The following PHACTR1 variants were observed in gnomAD, a reference collection of about 807,000 sequenced individuals.
PHACTR1 encodes the protein phosphatase and actin regulator 1.
PHACTR1 carries 16 observed loss-of-function variants against 69.2 expected under a neutral mutation model. The observed-to-expected ratio is 0.23, with a 90% CI of 0.16 to 0.35. PHACTR1 has a LOEUF of 0.35. PHACTR1 is among the 10% of genes least tolerant of loss of function. The probability of loss-of-function intolerance (pLI) is 1.00; values close to 1 mark genes in which losing one functional copy is unlikely to be tolerated. For missense variants in PHACTR1, 510 were observed against 734.7 expected, an observed-to-expected ratio of 0.69 and a Z score of 3.54; for synonymous variants, 312 against 284.5, an observed-to-expected ratio of 1.10 and a Z score of -0.97.
intron 5 of PHACTR1, among the ~76,000 whole-genome samples, chr6:13,127,869 A>T (rs552055936): frequency 9.9e-5 from 15 of 152,236 alleles, no homozygotes; most frequent in Non-Finnish European, 1.9e-4. Context: ...GCAGCTATAA[A>T]GGACTGCCCA....
intron 5 of PHACTR1, among the ~76,000 whole-genome samples, chr6:13,105,551 A>G (rs1039907753): frequency 2.6e-5 from 4 of 152,256 alleles, no homozygotes; most frequent in African/African-American, 7.2e-5. Flanking sequence ...AGTTAGTGCA[A>G]ACCCCACAAG....
chr6:12,989,992 G>A (rs367917505), intron 4 of PHACTR1, among the ~76,000 whole-genome samples: 5 of 152,138 alleles, frequency 3.3e-5, no homozygotes, highest in South Asian at 2.1e-4. Context: ...GTAAGAGAGC[G>A]GGTCTCACTC....
intron 7 of PHACTR1, among the ~76,000 whole-genome samples, chr6:13,194,069 G>A (rs557203238): frequency 6.6e-6 from 1 of 152,260 alleles, no homozygotes; most frequent in South Asian, 2.1e-4. Flanking sequence ...ACAGGTGTTT[G>A]TTCCATGATT....
intron 4 of PHACTR1, among the ~76,000 whole-genome samples, chr6:12,871,608 A>G (rs1782034251): frequency 6.6e-6 from 1 of 152,050 alleles, no homozygotes; most frequent in South Asian, 2.1e-4. Context: ...GATAAGATTC[A>G]GGTTCAGTTC....
In PHACTR1 at chr6:13,143,008, G is replaced by A. The variant is rs559413648; in HGVS notation, c.416-17196G>A. 3.3e-5 allele frequency among the ~76,000 whole-genome samples: 5 copies of A among 152,258 alleles called. No homozygotes were observed. The East Asian group carries it at 9.6e-4, about 29-fold the overall frequency. Reference sequence around the variant, plus strand: ...AAACTGACTCTAGATAATATAAAAAGAGGAAAGTGCCCAGCACAGAAAGAC... The same window carrying A: ...AAACTGACTCTAGATAATATAAAAAAAGGAAAGTGCCCAGCACAGAAAGAC... On this transcript the variant is annotated intron_variant, in intron 5 of 14. Transcript: ENST00000332995.
intron 12 of PHACTR1, chr6:13,280,245 C>T (rs1584426859): frequency 6.6e-6 from 1 of 152,390 alleles, no homozygotes; most frequent in East Asian, 1.9e-4. Context: ...CAAATAATTG[C>T]CTCTCTGTTC....
intron 5 of PHACTR1, among the ~76,000 whole-genome samples, chr6:13,150,007 C>T (rs918923461): frequency 1.3e-5 from 2 of 152,094 alleles, no homozygotes; most frequent in Non-Finnish European, 2.9e-5. Flanking sequence ...ACTGACCTGC[C>T]TCTCTCTGCT....
At chr6:13,076,631 G>A (rs1169910783) in intron 5 of PHACTR1, among the ~76,000 whole-genome samples, 1 of 152,124 alleles carries the variant, frequency 6.6e-6, no homozygotes, top group Admixed American at 6.5e-5. Context: ...TCCTCTGAGA[G>A]ACTTGAGTGT....
At chr6:13,128,721 A>C (rs1819941421) in intron 5 of PHACTR1, among the ~76,000 whole-genome samples, 1 of 152,182 alleles carries the variant, frequency 6.6e-6, no homozygotes, top group Non-Finnish European at 1.5e-5. Flanking sequence ...AGTCTGGAAA[A>C]CTTATTTGAG....
chr6:13,056,550 G>A (rs1205036437), intron 5 of PHACTR1, among the ~76,000 whole-genome samples: 3 of 151,920 alleles, frequency 2.0e-5, no homozygotes, highest in Admixed American at 6.6e-5. Context: ...GTTGTTAAAG[G>A]AAAAGTTATT....
At chr6:12,726,369 C>T (rs1249429239) in intron 3 of PHACTR1, among the ~76,000 whole-genome samples, 1 of 152,304 alleles carries the variant, frequency 6.6e-6, no homozygotes, top group East Asian at 1.9e-4. Context: ...TTAAAAGCTG[C>T]TCTGAACATG....
At position 12,718,139 on chromosome 6, in the gene PHACTR1, G is replaced by A. The variant is rs751674268; in HGVS notation, c.-47+396G>A. Among the ~76,000 whole-genome samples, 10 of 152,264 alleles carry A rather than the reference G, an allele frequency of 6.6e-5. 1 individual carries two copies. In the South Asian group the frequency reaches 1.0e-3, roughly 16 times the overall value. ...CCCCTGCCAGGCACAGGCAGGTGAC[G>A]ATCCTCTAGCACTTTATAAAATGTG... On this transcript the variant is annotated intron_variant, in intron 2 of 14. Coordinates refer to ENST00000332995, the MANE Select transcript of PHACTR1 (RefSeq NM_030948.6).
At chr6:12,795,227 A>G (rs1035214792) in intron 4 of PHACTR1, among the ~76,000 whole-genome samples, 4 of 128,880 alleles carry the variant, frequency 3.1e-5, no homozygotes, top group African/African-American at 1.0e-4. Flanking sequence ...GAGAGAGAAG[A>G]GAGAAATTCT....
intron 4 of PHACTR1, among the ~76,000 whole-genome samples, chr6:12,829,479 G>A (rs555145422): frequency 6.6e-6 from 1 of 152,266 alleles, no homozygotes; most frequent in South Asian, 2.1e-4. Flanking sequence ...ATTTGAGTAG[G>A]TGAGTGATCT....
At chr6:13,282,147 TTG>T (rs1046638518) in intron 12 of PHACTR1, among the ~76,000 whole-genome samples, 1 of 152,208 alleles carries the variant, frequency 6.6e-6, no homozygotes, top group Non-Finnish European at 1.5e-5. Flanking sequence ...TTGGACTCCA[TTG>T]TGTTTGTTTT....
At chr6:13,281,964 A>G (rs1374378736) in intron 12 of PHACTR1, among the ~76,000 whole-genome samples, 1 of 152,242 alleles carries the variant, frequency 6.6e-6, no homozygotes, top group East Asian at 1.9e-4. Context: ...TTTGGCTGAG[A>G]GGGAGCTGTA....
At chr6:12,965,517 A>G (rs1001258956) in intron 4 of PHACTR1, among the ~76,000 whole-genome samples, 4 of 148,406 alleles carry the variant, frequency 2.7e-5, no homozygotes, top group Admixed American at 1.4e-4. Flanking sequence ...AATGGCCCCA[A>G]GCGTCATGCT....
chr6:12,774,962 C>T (rs1306649634), intron 4 of PHACTR1, among the ~76,000 whole-genome samples: 2 of 152,164 alleles, frequency 1.3e-5, no homozygotes, highest in African/African-American at 2.4e-5. Flanking sequence ...AACTGAGGGA[C>T]CAGAAACATT....
chr6:12,792,505 A>T, intron 4 of PHACTR1, among the ~76,000 whole-genome samples: 1 of 131,504 alleles, frequency 7.6e-6, no homozygotes, highest in Non-Finnish European at 1.7e-5. Context: ...AAGATTTCTG[A>T]CATCATCCTG....
Sources: gnomAD v4.1 joint callset for allele counts (sites outside exome capture counted in the v4.1 genomes callset) on GRCh38, gnomAD v4.1.1 for gene constraint, MANE v1.5 for transcripts, NCBI Gene and HGNC (gene_info 2026-07-23, HGNC 2026-07-21) for gene names.